SUFU: variants seen among roughly 807,000 people sequenced by gnomAD.
SUFU encodes the protein SUFU negative regulator of hedgehog signaling.
Under a neutral mutation model 58.9 loss-of-function variants are expected in SUFU, and 7 were observed. The observed-to-expected ratio is 0.12, with a 90% CI of 0.07 to 0.22. The LOEUF is 0.22. Ranked by LOEUF, SUFU falls within the 10% of genes least tolerant of loss-of-function variation. The pLI is 1.00. For missense variants in SUFU, 451 were observed against 641.3 expected, an observed-to-expected ratio of 0.70 and a Z score of 3.20; for synonymous variants, 232 against 254.8, an observed-to-expected ratio of 0.91 and a Z score of 0.85.
At chr10:102,545,351 C>T (rs1343469654) in intron 2 of SUFU, among the ~76,000 whole-genome samples, 4 of 148,112 alleles carry the variant, frequency 2.7e-5, no homozygotes, top group African/African-American at 1.0e-4. Context: ...CTAAGGTGGC[C>T]TCAAACTCCT....
chr10:102,583,363 C>T (rs1208608472), intron 3 of SUFU, among the ~76,000 whole-genome samples: 1 of 152,154 alleles, frequency 6.6e-6, no homozygotes, highest in Admixed American at 6.5e-5. Flanking sequence ...CTTTCTGCTC[C>T]CCACTTTAAC....
chr10:102,559,324 G>A (rs981892205), intron 3 of SUFU, among the ~76,000 whole-genome samples: 1 of 152,022 alleles, frequency 6.6e-6, no homozygotes, highest in African/African-American at 2.4e-5. Flanking sequence ...CCAAAATTGG[G>A]GTTCTGTTAG....
In SUFU at chr10:102,515,192, G is replaced by A. The variant is rs577941800; in HGVS notation, c.317+5889G>A. ...TTCTTCTTAGCTGGGCTCTGCACCC[G>A]CATGAGTTATTTATTAAAACACTGG... On this transcript the variant is annotated intron_variant, in intron 2 of 11. Coordinates refer to ENST00000369902, the MANE Select transcript of SUFU (RefSeq NM_016169.4). Among the ~76,000 whole-genome samples, 10 of 152,248 alleles carry A rather than the reference G, an allele frequency of 6.6e-5. No individual in the cohort carries two copies. The South Asian group carries it at 1.7e-3, about 25-fold the overall frequency.
At chr10:102,525,206 G>A (rs2062596447) in intron 2 of SUFU, among the ~76,000 whole-genome samples, 1 of 151,646 alleles carries the variant, frequency 6.6e-6, no homozygotes, top group Admixed American at 6.6e-5. Flanking sequence ...CACCTCCTGG[G>A]TTCAAGTGAT....
At chr10:102,508,134 G>A (rs866453114) in intron 1 of SUFU, among the ~76,000 whole-genome samples, 1 of 151,718 alleles carries the variant, frequency 6.6e-6, no homozygotes, top group Middle Eastern at 3.2e-3. Flanking sequence ...CACCACACCT[G>A]GCTAATTTTT....
intron 3 of SUFU, among the ~76,000 whole-genome samples, chr10:102,568,358 G>A (rs76897907): frequency 0.015 from 2,247 of 152,204 alleles, 57 homozygotes; most frequent in South Asian, 0.12. Flanking sequence ...ACATTTCTTT[G>A]TTGTTTGACT....
At chr10:102,592,429 T>C (rs142982375) in intron 3 of SUFU, among the ~76,000 whole-genome samples, 153 bp from the exon 4 acceptor site, 1 of 152,238 alleles carries the variant, frequency 6.6e-6, no homozygotes, top group African/African-American at 2.4e-5. Flanking sequence ...ACAAACTCTT[T>C]GCTTCCATCC....
chr10:102,588,771 A>G (rs988794086), intron 3 of SUFU, among the ~76,000 whole-genome samples: 10 of 152,182 alleles, frequency 6.6e-5, no homozygotes, highest in African/African-American at 2.4e-4. Context: ...TTTTCCGTTT[A>G]TGTAGGTCTT....
intron 3 of SUFU, among the ~76,000 whole-genome samples, chr10:102,557,557 G>A (rs1014287637): frequency 6.6e-6 from 1 of 151,722 alleles, no homozygotes; most frequent in Admixed American, 6.6e-5. Context: ...GGTCGAGGCT[G>A]CAGTGAGCCA....
chr10:102,516,059 A>G (rs2062464589), intron 2 of SUFU, among the ~76,000 whole-genome samples: 1 of 151,850 alleles, frequency 6.6e-6, no homozygotes, highest in African/African-American at 2.4e-5. Flanking sequence ...TTCAGGCCCC[A>G]AATCTCTGAA....
At chr10:102,607,832 AC>A (rs1257913077) in intron 8 of SUFU, among the ~76,000 whole-genome samples, 1 of 151,698 alleles carries the variant, frequency 6.6e-6, no homozygotes, top group Non-Finnish European at 1.5e-5. Flanking sequence ...AATCGCTTGA[AC>A]CCAGGAGGTG....
chr10:102,509,805 A>AT (rs1337084794), intron 2 of SUFU, among the ~76,000 whole-genome samples: 1 of 151,726 alleles, frequency 6.6e-6, no homozygotes, highest in African/African-American at 2.4e-5. Context: ...GTATTTATTT[A>AT]TTTTTTTATC....
At chr10:102,556,211 T>A (rs1176013245) in intron 3 of SUFU, among the ~76,000 whole-genome samples, 1 of 148,964 alleles carries the variant, frequency 6.7e-6, no homozygotes, top group African/African-American at 2.4e-5. Flanking sequence ...TGGAGCTGTA[T>A]GAGGCAGCCT....
Position 102,631,787 on chromosome 10 carries a change from C to T in SUFU, c.*1632C>T, listed in dbSNP as rs1413363836. 1 of 233,270 alleles carries T rather than the reference C, an allele frequency of 4.3e-6. No homozygotes were observed. Among genetic ancestry groups the T allele is most frequent in the Non-Finnish European group, 8.5e-6 (1 of 118,128 alleles). 14.5% of individuals were successfully genotyped at this position (233,270 alleles called of 1,614,324 possible). On this transcript the variant is annotated 3_prime_UTR_variant, in exon 12 of 12. Coordinates refer to ENST00000369902, the MANE Select transcript of SUFU (RefSeq NM_016169.4). Reference sequence around the variant, plus strand: ...ACTAGGCCTGGCCTCCTCTACACATCCCCAGGGCTATCTGGTTAATTCCAT... The same window carrying T: ...ACTAGGCCTGGCCTCCTCTACACATTCCCAGGGCTATCTGGTTAATTCCAT...
chr10:102,515,658 C>T (rs1385782009), intron 2 of SUFU, among the ~76,000 whole-genome samples: 2 of 152,096 alleles, frequency 1.3e-5, no homozygotes, highest in Non-Finnish European at 2.9e-5. Flanking sequence ...GAGATCCTTT[C>T]TTCGCCATAC....
intron 9 of SUFU, 91 bp downstream of exon 9, chr10:102,615,493 C>A (rs1590082487): frequency 3.1e-6 from 5 of 1,593,510 alleles, no homozygotes; most frequent in Middle Eastern, 1.7e-4. Context: ...CCCCCTCCCC[C>A]AGCAGGCGTC....
chr10:102,632,395 G>C lies in SUFU; in HGVS notation c.*2240G>C, dbSNP rs1203777887. 2.1e-5 allele frequency: 5 copies of C among 233,076 alleles called. No individual in the cohort carries two copies. The highest frequency in any genetic ancestry group is 4.4e-5 in the African/African-American group (2 of 45,314). The allele number at this position is 233,076 out of a possible 1,614,324, so 14.4% of individuals were successfully genotyped here. On this transcript the variant is annotated 3_prime_UTR_variant, in exon 12 of 12. Coordinates refer to ENST00000369902, the MANE Select transcript of SUFU (RefSeq NM_016169.4). The stretch of plus-strand genomic sequence containing the variant: ...ACCTGCAATATGTCAGGAGCCTCAC[G>C]CTCACCCAAGATCCTGCAGGGGCCA...
intron 10 of SUFU, among the ~76,000 whole-genome samples, chr10:102,626,649 C>G (rs770043032): frequency 1.1e-4 from 16 of 152,082 alleles, no homozygotes; most frequent in Non-Finnish European, 1.9e-4. Flanking sequence ...GGTCCACAAT[C>G]TCCAGATTCT....
At chr10:102,586,170 C>T (rs2063334096) in intron 3 of SUFU, among the ~76,000 whole-genome samples, 1 of 151,616 alleles carries the variant, frequency 6.6e-6, no homozygotes, top group South Asian at 2.1e-4. Context: ...CAGGTGTGAG[C>T]CACCATGCCC....
Sources: gnomAD v4.1 joint callset for allele counts (sites outside exome capture counted in the v4.1 genomes callset) on GRCh38, gnomAD v4.1.1 for gene constraint, MANE v1.5 for transcripts, NCBI Gene and HGNC (gene_info 2026-07-23, HGNC 2026-07-21) for gene names.